EYS: variants seen among roughly 807,000 people sequenced by gnomAD.
The protein encoded by EYS is EGF-like photoreceptor maintenance factor, also known as protein eyes shut homolog.
A neutral mutation model predicts 282.1 loss-of-function variants in EYS; 250 were observed. That is an observed-to-expected ratio of 0.89 (90% CI 0.80 to 0.98). The LOEUF is 0.98. Among genes scored for constraint, EYS ranks in the 50% least tolerant of loss-of-function variants. The pLI is 0.00. For missense variants in EYS, 4,016 were observed against 3,709.0 expected (o/e 1.08, Z -2.15); for synonymous variants, 1,355 against 1,282.9 (o/e 1.06, Z -1.20).
At chr6:63,966,458 G>GA (rs1252716885) in intron 35 of EYS, among the ~76,000 whole-genome samples, 1 of 152,048 alleles carries the variant, frequency 6.6e-6, no homozygotes, top group Non-Finnish European at 1.5e-5. Context: ...AATCATGGCT[G>GA]AAGAGCTTAC....
intron 12 of EYS, among the ~76,000 whole-genome samples, chr6:65,199,171 C>T (rs947310965): frequency 6.6e-6 from 1 of 152,100 alleles, no homozygotes; most frequent in Admixed American, 6.6e-5. Flanking sequence ...GCTGTTAAAA[C>T]AATTTTATCA....
At chr6:64,178,850 G>C (rs1461563409) in intron 31 of EYS, among the ~76,000 whole-genome samples, 2 of 151,942 alleles carry the variant, frequency 1.3e-5, no homozygotes, top group African/African-American at 2.4e-5. Flanking sequence ...ATTACCAGGA[G>C]ACCTAAATTT....
intron 26 of EYS, among the ~76,000 whole-genome samples, chr6:64,504,993 G>C (rs943279581): frequency 6.6e-6 from 1 of 152,264 alleles, no homozygotes; most frequent in South Asian, 2.1e-4. Flanking sequence ...TTTTATAATG[G>C]AATAGACTGT....
intron 35 of EYS, among the ~76,000 whole-genome samples, chr6:63,882,426 G>A (rs1312325284): frequency 6.6e-6 from 1 of 152,178 alleles, no homozygotes; most frequent in Non-Finnish European, 1.5e-5. Flanking sequence ...GGGCAGAGGA[G>A]CAGGCCTTCC....
intron 31 of EYS, among the ~76,000 whole-genome samples, chr6:64,193,274 T>A (rs1765172607): frequency 1.3e-5 from 2 of 152,148 alleles, no homozygotes; most frequent in South Asian, 4.1e-4. Flanking sequence ...TCTCTGCATA[T>A]TTAATTATGT....
chr6:64,559,938 T>A (rs1765345433), intron 26 of EYS, among the ~76,000 whole-genome samples: 1 of 152,132 alleles, frequency 6.6e-6, no homozygotes, highest in Non-Finnish European at 1.5e-5. Flanking sequence ...TGGGACCCAG[T>A]GTGTGTTGTT....
At position 64,626,167 on chromosome 6, in the gene EYS, T is replaced by A. The variant is rs1292114239; in HGVS notation, c.3522A>T (p.Ala1174=). ...ECSSSPCLHG[A]DCEDHINGYV... The stretch of plus-strand genomic sequence containing the variant: ...ATCCATTGATGTGATCTTCACAGTC[T>A]GCACCATGTAGACATGGTGATGAAG... The change falls in exon 23 of 43, where the codon GCA becomes GCT. Residue 1174 remains alanine (A), a synonymous_variant. Coordinates refer to ENST00000503581, the MANE Select transcript of EYS (RefSeq NM_001142800.2). 5 of 1,545,988 alleles carry A rather than the reference T, an allele frequency of 3.2e-6. No individual in the cohort carries two copies. The East Asian group carries it at 1.2e-4, about 38-fold the overall frequency.
At chr6:65,136,524 A>G (rs183329442) in intron 12 of EYS, among the ~76,000 whole-genome samples, 111 of 152,224 alleles carry the variant, frequency 7.3e-4, no homozygotes, top group African/African-American at 2.4e-3. Context: ...TTTATAATAC[A>G]TATGTCAGAT....
At chr6:63,824,939 G>T (rs1771419037) in intron 36 of EYS, among the ~76,000 whole-genome samples, 1 of 152,194 alleles carries the variant, frequency 6.6e-6, no homozygotes, top group South Asian at 2.1e-4. Context: ...AATCCCGCTT[G>T]CAGAGTTCAC....
At chr6:65,660,779 T>C (rs2149825409) in intron 1 of EYS, among the ~76,000 whole-genome samples, 1 of 151,994 alleles carries the variant, frequency 6.6e-6, no homozygotes, top group East Asian at 1.9e-4. Flanking sequence ...ATTCATTTTA[T>C]TTGCATGTGA....
At chr6:64,453,774 G>A (rs6926262) in intron 26 of EYS, among the ~76,000 whole-genome samples, 58,460 of 151,788 alleles carry the variant, frequency 0.39, 11,894 homozygotes, top group African/African-American at 0.53. Context: ...ACCAAACACC[G>A]CATGTTCTCA....
intron 29 of EYS, among the ~76,000 whole-genome samples, chr6:64,368,054 G>A (rs7744580): frequency 0.72 from 109,039 of 151,936 alleles, 39,329 homozygotes; most frequent in African/African-American, 0.79. Flanking sequence ...GGTAATAAGC[G>A]TAGTATCCAA....
At chr6:64,191,731 T>G (rs1407368240) in intron 31 of EYS, among the ~76,000 whole-genome samples, 1 of 151,962 alleles carries the variant, frequency 6.6e-6, no homozygotes. Context: ...TCTATCATTG[T>G]TGGACATTTG....
At chr6:64,089,439 AATG>A (rs1219548454) in intron 31 of EYS, among the ~76,000 whole-genome samples, 4 of 149,492 alleles carry the variant, frequency 2.7e-5, no homozygotes, top group African/African-American at 4.9e-5. Context: ...TTACAATTAA[AATG>A]ATTATAATTA....
intron 22 of EYS, among the ~76,000 whole-genome samples, chr6:64,692,249 T>C (rs910407182): frequency 2.0e-5 from 3 of 152,206 alleles, no homozygotes; most frequent in Admixed American, 2.0e-4. Context: ...TGATGTTTAG[T>C]GATGCTAAGC....
chr6:64,243,833 T>G (rs1582476414), intron 30 of EYS, among the ~76,000 whole-genome samples: 1 of 152,186 alleles, frequency 6.6e-6, no homozygotes, highest in African/African-American at 2.4e-5. Context: ...TGAGAGAAGT[T>G]TTTACTGAAG....
At chr6:64,735,031 C>T (rs963170526) in intron 22 of EYS, among the ~76,000 whole-genome samples, 3 of 152,052 alleles carry the variant, frequency 2.0e-5, no homozygotes, top group African/African-American at 7.2e-5. Context: ...TATTATAAGA[C>T]TGAAGTGTCT....
chr6:65,272,377 G>C (rs1767929497), intron 12 of EYS, among the ~76,000 whole-genome samples: 1 of 152,038 alleles, frequency 6.6e-6, no homozygotes, highest in South Asian at 2.1e-4. Flanking sequence ...GGAACCGAAG[G>C]GGCTCATTTC....
chr6:64,465,940 A>G (rs1228495338), intron 26 of EYS, among the ~76,000 whole-genome samples: 3 of 152,124 alleles, frequency 2.0e-5, no homozygotes, highest in Non-Finnish European at 2.9e-5. Context: ...AAAAATGAGT[A>G]AAGGGCATGA....
Sources: allele counts gnomAD v4.1 joint callset (sites outside exome capture counted in the v4.1 genomes callset), GRCh38; gene constraint gnomAD v4.1.1; transcripts MANE v1.5; gene names NCBI Gene and HGNC (gene_info 2026-07-23, HGNC 2026-07-21).